The following CTNNA2 variants were observed in gnomAD, a reference collection of about 807,000 sequenced individuals.
The protein encoded by CTNNA2 is catenin alpha 2.
A neutral mutation model predicts 101.0 loss-of-function variants in CTNNA2; 42 were observed. The observed-to-expected ratio is 0.42, with a 90% CI of 0.32 to 0.54. The LOEUF is 0.54. Ranked by LOEUF, CTNNA2 falls within the 20% of genes least tolerant of loss-of-function variation. The pLI is 0.14. For missense variants in CTNNA2, 871 were observed against 1,223.1 expected (o/e 0.71, Z 4.29); for synonymous variants, 450 against 456.4 (o/e 0.99, Z 0.18).
chr2:79,274,806 A>G (rs1675171330), intron 2 of CTNNA2, among the ~76,000 whole-genome samples: 1 of 152,086 alleles, frequency 6.6e-6, no homozygotes, highest in Admixed American at 6.6e-5. Context: ...TAATTTATAA[A>G]TGGCAGTTTT....
intron 3 of CTNNA2, among the ~76,000 whole-genome samples, chr2:79,773,310 A>C (rs1673724650): frequency 6.6e-6 from 1 of 152,152 alleles, no homozygotes; most frequent in Non-Finnish European, 1.5e-5. Flanking sequence ...TTAAGGATGC[A>C]CTCCCATGAC....
At chr2:79,644,909 A>G (rs1388835649) in intron 1 of CTNNA2, among the ~76,000 whole-genome samples, 1 of 152,124 alleles carries the variant, frequency 6.6e-6, no homozygotes, top group Non-Finnish European at 1.5e-5. Context: ...ATTCTTCTCT[A>G]AAAGCCGTAC....
intron 7 of CTNNA2, among the ~76,000 whole-genome samples, chr2:80,231,895 G>A (rs1486242598): frequency 6.6e-6 from 1 of 152,050 alleles, no homozygotes; most frequent in Non-Finnish European, 1.5e-5. Flanking sequence ...CCTTTTAAAG[G>A]TCTAAATAGA....
intron 8 of CTNNA2, among the ~76,000 whole-genome samples, chr2:80,401,993 G>C (rs1678593010): frequency 6.6e-6 from 1 of 152,142 alleles, no homozygotes; most frequent in Admixed American, 6.5e-5. Flanking sequence ...TCACAAGACT[G>C]CTTCTACTTC....
intron 2 of CTNNA2, among the ~76,000 whole-genome samples, chr2:79,709,673 A>C (rs1437465633): frequency 6.6e-6 from 1 of 152,146 alleles, no homozygotes; most frequent in Non-Finnish European, 1.5e-5. Flanking sequence ...GACCTCAGAA[A>C]CTGTGGGCAT....
At chr2:80,210,658 G>A (rs191998881) in intron 7 of CTNNA2, among the ~76,000 whole-genome samples, 94 of 152,232 alleles carry the variant, frequency 6.2e-4, no homozygotes, top group African/African-American at 2.1e-3. Flanking sequence ...ATTGTGAATA[G>A]TGCCGCAATA....
At chr2:79,528,464 T>A (rs1672552378) in intron 1 of CTNNA2, among the ~76,000 whole-genome samples, 2 of 152,126 alleles carry the variant, frequency 1.3e-5, no homozygotes, top group South Asian at 4.1e-4. Flanking sequence ...ATGCAAATTC[T>A]GGAATTAGAT....
At chr2:80,252,214 C>A (rs1671820098) in intron 7 of CTNNA2, among the ~76,000 whole-genome samples, 1 of 152,092 alleles carries the variant, frequency 6.6e-6, no homozygotes, top group Non-Finnish European at 1.5e-5. Context: ...TTTACTGACC[C>A]TCTTAATATC....
intron 9 of CTNNA2, among the ~76,000 whole-genome samples, chr2:80,420,010 A>G (rs1680378486): frequency 7.7e-6 from 1 of 129,494 alleles, no homozygotes; most frequent in Admixed American, 8.8e-5. Flanking sequence ...TGGTGCCTAG[A>G]TGCTGTCCAC....
chr2:80,352,561 A>G (rs890057743), intron 7 of CTNNA2, among the ~76,000 whole-genome samples: 2 of 152,172 alleles, frequency 1.3e-5, no homozygotes, highest in Non-Finnish European at 2.9e-5. Context: ...CTTCATCAGC[A>G]GTAAGAATTC....
In CTNNA2 at chr2:80,475,678, T is replaced by C. The variant is rs906472436; in HGVS notation, c.1290+56077T>C. On this transcript the variant is annotated intron_variant, in intron 9 of 18. Coordinates refer to ENST00000402739, the MANE Select transcript of CTNNA2 (RefSeq NM_001282597.3). Reference sequence around the variant, plus strand: ...TGATGACTTTGTTCACATATGCATTTGAAGAGCTGCCTTAATCATAAAATA... The same window carrying C: ...TGATGACTTTGTTCACATATGCATTCGAAGAGCTGCCTTAATCATAAAATA... Among the ~76,000 whole-genome samples the C allele has an allele frequency of 2.0e-5, 3 of 152,132 alleles. No homozygotes were observed. The South Asian group carries it at 6.2e-4, about 31-fold the overall frequency.
intron 6 of CTNNA2, among the ~76,000 whole-genome samples, chr2:79,882,351 C>T (rs1007602574): frequency 6.6e-6 from 1 of 152,234 alleles, no homozygotes; most frequent in Admixed American, 6.5e-5. Context: ...GTGGCCACCC[C>T]TCCCCCTAGG....
At chr2:80,149,719 G>A (rs1380458509) in intron 7 of CTNNA2, among the ~76,000 whole-genome samples, 1 of 149,860 alleles carries the variant, frequency 6.7e-6, no homozygotes, top group Non-Finnish European at 1.5e-5. Context: ...TGTTGATTAG[G>A]TTTCTTAAAG....
chr2:79,829,788 C>T (rs976374502), intron 3 of CTNNA2, among the ~76,000 whole-genome samples: 3 of 151,304 alleles, frequency 2.0e-5, no homozygotes, highest in African/African-American at 4.9e-5. Flanking sequence ...GGCGCAATCT[C>T]GGCTCACTGC....
intron 9 of CTNNA2, among the ~76,000 whole-genome samples, chr2:80,425,402 T>C (rs994409417): frequency 5.9e-5 from 9 of 152,180 alleles, no homozygotes; most frequent in African/African-American, 2.2e-4. Flanking sequence ...CTCAAAAAAA[T>C]AAATGAATAA....
intron 7 of CTNNA2, among the ~76,000 whole-genome samples, chr2:79,947,075 T>C (rs990975185): frequency 1.3e-5 from 2 of 152,230 alleles, no homozygotes; most frequent in Non-Finnish European, 2.9e-5. Flanking sequence ...TTATATTATC[T>C]CAGGTCTAAA....
chr2:79,974,606 T>C (rs1192410947), intron 7 of CTNNA2, among the ~76,000 whole-genome samples: 1 of 152,146 alleles, frequency 6.6e-6, no homozygotes, highest in African/African-American at 2.4e-5. Context: ...GTTATGATAT[T>C]TTTTCTAATA....
chr2:79,847,684 A>T (rs1470182576), intron 3 of CTNNA2, among the ~76,000 whole-genome samples: 1 of 150,898 alleles, frequency 6.6e-6, no homozygotes. Flanking sequence ...CCTCCAAGGT[A>T]TTGTTAAAGT....
chr2:80,588,013 G>A (rs1432144796), intron 14 of CTNNA2, among the ~76,000 whole-genome samples: 1 of 152,132 alleles, frequency 6.6e-6, no homozygotes, highest in Non-Finnish European at 1.5e-5. Flanking sequence ...TTTAATCATT[G>A]GTCCTAGGGG....
Sources: allele counts gnomAD v4.1 joint callset (sites outside exome capture counted in the v4.1 genomes callset), GRCh38; gene constraint gnomAD v4.1.1; transcripts MANE v1.5; gene names NCBI Gene and HGNC (gene_info 2026-07-23, HGNC 2026-07-21).